Variants in PRELID2 observed in about 807,000 individuals in gnomAD.
PRELID2 encodes PRELI domain containing 2.
Under a neutral mutation model 28.4 loss-of-function variants are expected in PRELID2, and 25 were observed. The observed-to-expected ratio is 0.88, with a 90% CI of 0.64 to 1.23. The LOEUF (loss-of-function observed/expected upper bound fraction) is 1.23, where lower values mean the gene tolerates loss of function less well. Ranked by LOEUF, PRELID2 falls within the 50% of genes most tolerant of loss-of-function variation. PRELID2 has a pLI of 0.00. For missense variants in PRELID2, 201 were observed against 214.4 expected (o/e 0.94, Z 0.39); for synonymous variants, 76 against 71.6 (o/e 1.06, Z -0.31).
the PRELID2 span, among the ~76,000 whole-genome samples, chr5:145,275,595 A>G: frequency 6.6e-6 from 1 of 152,160 alleles, no homozygotes; most frequent in Non-Finnish European, 1.5e-5. Context: ...TGCAATGAGT[A>G]TGGAGCCATA....
chr5:145,431,980 G>C, the PRELID2 span, among the ~76,000 whole-genome samples: 2 of 152,108 alleles, frequency 1.3e-5, no homozygotes, highest in African/African-American at 2.4e-5. Context: ...AAGAAGTCAT[G>C]CTGTGTAAAA....
chr5:145,510,260 C>T (rs1334504761), intron 1 of PRELID2, among the ~76,000 whole-genome samples: 4 of 152,212 alleles, frequency 2.6e-5, no homozygotes, highest in Non-Finnish European at 5.9e-5. Flanking sequence ...AAAGCAACAT[C>T]TTTGCTTTCT....
chr5:145,592,307 A>T (rs778766132), intron 1 of PRELID2, among the ~76,000 whole-genome samples: 1 of 152,010 alleles, frequency 6.6e-6, no homozygotes, highest in Non-Finnish European at 1.5e-5. Context: ...TCTACTCGGG[A>T]TGCTGAGGAA....
intron 1 of PRELID2, among the ~76,000 whole-genome samples, chr5:145,590,340 C>G (rs1034594356): frequency 6.6e-6 from 1 of 152,258 alleles, no homozygotes; most frequent in Non-Finnish European, 1.5e-5. Context: ...GTTCTCTGTT[C>G]TTTCATGAAT....
At chr5:145,769,772 G>C (rs1159804497) in intron 5 of PRELID2, among the ~76,000 whole-genome samples, 1 of 152,228 alleles carries the variant, frequency 6.6e-6, no homozygotes, top group East Asian at 1.9e-4. Context: ...AGGAAGGGCA[G>C]GGAAGCTACG....
intron 1 of PRELID2, among the ~76,000 whole-genome samples, chr5:145,575,518 G>A (rs1753053162): frequency 1.3e-5 from 2 of 152,158 alleles, no homozygotes; most frequent in African/African-American, 4.8e-5. Flanking sequence ...AAATTAGAAT[G>A]TAAAGGGACC....
the PRELID2 span, among the ~76,000 whole-genome samples, chr5:145,348,387 A>T: frequency 6.6e-6 from 1 of 152,098 alleles, no homozygotes; most frequent in South Asian, 2.1e-4. Context: ...TTTGAAGCCA[A>T]CCTTATAGTC....
the PRELID2 span, among the ~76,000 whole-genome samples, chr5:145,235,501 T>C: frequency 6.6e-6 from 1 of 152,170 alleles, no homozygotes; most frequent in African/African-American, 2.4e-5. Flanking sequence ...GGTGCTTTCC[T>C]TGCAACAAGA....
At chr5:145,233,493 G>T in the PRELID2 span, among the ~76,000 whole-genome samples, 2 of 152,104 alleles carry the variant, frequency 1.3e-5, no homozygotes, top group African/African-American at 4.8e-5. Flanking sequence ...GGAGAAGGCA[G>T]TCACCACAAC....
chr5:145,451,724 C>G, the PRELID2 span, among the ~76,000 whole-genome samples: 1 of 152,258 alleles, frequency 6.6e-6, no homozygotes, highest in South Asian at 2.1e-4. Context: ...TCAAATCATT[C>G]CCTTGACAGC....
chr5:145,581,179 T>C (rs1335869917), intron 1 of PRELID2, among the ~76,000 whole-genome samples: 2 of 152,048 alleles, frequency 1.3e-5, no homozygotes, highest in African/African-American at 4.8e-5. Flanking sequence ...GGTTTCAGTC[T>C]GTATTTAGAT....
At chr5:145,392,606 A>T in the PRELID2 span, among the ~76,000 whole-genome samples, 1 of 152,126 alleles carries the variant, frequency 6.6e-6, no homozygotes, top group African/African-American at 2.4e-5. Context: ...AAACAGTCAC[A>T]ATTTGATCTG....
chr5:145,235,803 A>G, the PRELID2 span, among the ~76,000 whole-genome samples: 1 of 152,132 alleles, frequency 6.6e-6, no homozygotes, highest in East Asian at 1.9e-4. Context: ...AGCATATGCA[A>G]AGAAAACATA....
intron 4 of PRELID2, among the ~76,000 whole-genome samples, chr5:145,815,009 C>T (rs987825650): frequency 6.6e-6 from 1 of 152,154 alleles, no homozygotes; most frequent in Non-Finnish European, 1.5e-5. Flanking sequence ...CCCCTGCCAC[C>T]CCCAATTCAT....
rs199568370 is a variant in PRELID2 at position 145,757,816 on chromosome 5, GAA to G, written c.*2718_*2719del. ...GACCCTATCTCAAAAAAAAGTAAAT[GAA>G]AAAAAAAAAAAAAAAGACCATAAAA... On this transcript the variant is annotated 3_prime_UTR_variant, in exon 7 of 7. Coordinates refer to ENST00000683046, the MANE Select transcript of PRELID2 (RefSeq NM_205846.3). Among the ~76,000 whole-genome samples, 117 of 55,082 alleles carry G rather than the reference GAA, an allele frequency of 2.1e-3. No individual in the cohort carries two copies. In the East Asian group the frequency reaches 0.033, roughly 15 times the overall value. The allele number at this position is 55,082 out of a possible 152,430, so 36.1% of individuals were successfully genotyped here. A position where few individuals can be genotyped will look rare whatever the true frequency, so the allele number is the denominator to read the frequency against.
chr5:145,492,406 A>G (rs539662058), intron 1 of PRELID2, among the ~76,000 whole-genome samples: 1 of 98,046 alleles, frequency 1.0e-5, no homozygotes, highest in South Asian at 5.0e-4. Flanking sequence ...TTCCTTATAT[A>G]TTTTGGATAT....
the PRELID2 span, among the ~76,000 whole-genome samples, chr5:145,461,573 G>A: frequency 6.6e-6 from 1 of 152,148 alleles, no homozygotes; most frequent in Non-Finnish European, 1.5e-5. Flanking sequence ...GAGTGCTGGG[G>A]TTATAGGCGT....
At chr5:145,665,972 A>C (rs1754581665) in intron 1 of PRELID2, among the ~76,000 whole-genome samples, 1 of 147,066 alleles carries the variant, frequency 6.8e-6, no homozygotes, top group African/African-American at 2.6e-5. Context: ...AAAATAGCAA[A>C]CTTGTCTTTT....
At chr5:145,568,661 A>G (rs930317870) in intron 1 of PRELID2, among the ~76,000 whole-genome samples, 4 of 152,196 alleles carry the variant, frequency 2.6e-5, no homozygotes, top group African/African-American at 7.2e-5. Flanking sequence ...AGTGTTTGCT[A>G]TTGCACTTTT....
Sources: allele counts gnomAD v4.1 joint callset (sites outside exome capture counted in the v4.1 genomes callset), GRCh38; gene constraint gnomAD v4.1.1; transcripts MANE v1.5; gene names NCBI Gene and HGNC (gene_info 2026-07-23, HGNC 2026-07-21).